Variants in PLCG2 observed in about 807,000 individuals in gnomAD.
The protein encoded by PLCG2 is 1-phosphatidylinositol 4,5-bisphosphate phosphodiesterase gamma-2.
In PLCG2, 69 loss-of-function variants were observed where a neutral mutation model predicts 175.6. The observed-to-expected ratio is 0.39, with a 90% CI of 0.32 to 0.48. The LOEUF is 0.48. PLCG2 is among the 20% of genes least tolerant of loss of function. The pLI is 0.91. For synonymous variants in PLCG2, 827 were observed against 624.0 expected (o/e 1.33, Z -4.85); for missense variants, 1,798 against 1,650.9 (o/e 1.09, Z -1.54).
chr16:81,822,052 C>A (rs577619166), intron 2 of PLCG2, among the ~76,000 whole-genome samples: 2 of 152,262 alleles, frequency 1.3e-5, no homozygotes, highest in African/African-American at 4.8e-5. Context: ...TGCAAAGCAC[C>A]CTTACGCTGC....
intron 2 of PLCG2, among the ~76,000 whole-genome samples, chr16:81,769,686 G>A (rs908868320): frequency 1.3e-5 from 2 of 151,168 alleles, no homozygotes; most frequent in African/African-American, 4.8e-5. Context: ...CGGGCGTAGT[G>A]GCGGGCGCCT....
intron 21 of PLCG2, chr16:81,921,508 A>G: frequency 1.9e-6 from 1 of 530,008 alleles, no homozygotes; most frequent in Non-Finnish European, 3.4e-6. Context: ...CTGAGGTTTG[A>G]CGAACCACCT....
intron 1 of PLCG2, among the ~76,000 whole-genome samples, chr16:81,741,421 AT>A (rs1366519595): frequency 6.6e-6 from 1 of 151,996 alleles, no homozygotes; most frequent in South Asian, 2.1e-4. Flanking sequence ...CAGGAGGAAG[AT>A]TTTTTTTCCG....
At chr16:81,943,912 A>G (rs1287651213) in intron 30 of PLCG2, among the ~76,000 whole-genome samples, 1 of 152,220 alleles carries the variant, frequency 6.6e-6, no homozygotes, top group East Asian at 1.9e-4. Flanking sequence ...TCACTCAAGT[A>G]TAAAATCAAA....
chr16:81,801,793 G>C (rs1352514314), intron 2 of PLCG2, among the ~76,000 whole-genome samples: 3 of 151,800 alleles, frequency 2.0e-5, no homozygotes, highest in African/African-American at 7.3e-5. Flanking sequence ...CGATTCTCTT[G>C]CTTCAGCTTC....
chr16:81,787,842 G>T (rs2079437216), intron 2 of PLCG2, among the ~76,000 whole-genome samples: 1 of 151,986 alleles, frequency 6.6e-6, no homozygotes, highest in Non-Finnish European at 1.5e-5. Context: ...GGGCTTTTGT[G>T]ACTGGCTTCT....
At chr16:81,937,945 C>A (rs4606713) in intron 28 of PLCG2, 42 bp downstream of exon 28, 1 of 1,602,078 alleles carries the variant, frequency 6.2e-7, no homozygotes, top group Non-Finnish European at 8.5e-7. Flanking sequence ...GCCAGCCGCC[C>A]TCCCTGGGGG....
In PLCG2 at chr16:81,948,945, C is replaced by T. The variant is rs115733596; in HGVS notation, c.3570+2682C>T. On this transcript the variant is annotated intron_variant, in intron 31 of 32. Coordinates refer to ENST00000564138, the MANE Select transcript of PLCG2 (RefSeq NM_002661.5). ...ACCTCAGATGATGAGAACTGTAACA[C>T]ATAACTCATAGGATCTTTCAAAGAC... Among the ~76,000 whole-genome samples the T allele has an allele frequency of 7.5e-3, 1,141 of 152,264 alleles. 20 individuals are homozygous for T. Among genetic ancestry groups the T allele is most frequent in the African/African-American group, 0.026 (1,100 of 41,548 alleles).
At position 81,934,878 on chromosome 16, in the gene PLCG2, C is replaced by A. The variant is rs577646651; in HGVS notation, c.2842+347C>A. Among the ~76,000 whole-genome samples, 18 of 152,140 alleles carry A rather than the reference C, an allele frequency of 1.2e-4. 1 individual carries two copies. The highest frequency in any genetic ancestry group is 2.4e-4 in the Non-Finnish European group (16 of 68,026). On this transcript the variant is annotated intron_variant, in intron 26 of 32. Coordinates refer to ENST00000564138, the MANE Select transcript of PLCG2 (RefSeq NM_002661.5). ...GTGAAAGGGGAAACCCTTATAAAAC[C>A]ATCAGATCTCGCGAGACTTATTCAG...
chr16:81,917,542 T>C (rs908265577), intron 19 of PLCG2, among the ~76,000 whole-genome samples: 4 of 152,144 alleles, frequency 2.6e-5, no homozygotes, highest in African/African-American at 9.7e-5. Context: ...TTTCTCCACA[T>C]CCCCACCAGC....
intron 2 of PLCG2, among the ~76,000 whole-genome samples, chr16:81,801,190 G>A (rs899832877): frequency 2.6e-5 from 4 of 152,072 alleles, no homozygotes; most frequent in South Asian, 4.1e-4. Context: ...CCCCAACCCC[G>A]CAACCAACTT....
At chr16:81,933,004 C>T (rs58671817) in intron 25 of PLCG2, among the ~76,000 whole-genome samples, 6,160 of 152,284 alleles carry the variant, frequency 0.04, 436 homozygotes, top group African/African-American at 0.14. Context: ...AAATAGTGCA[C>T]TCCAGCTCTC....
At chr16:81,808,491 A>T (rs1904292211) in intron 2 of PLCG2, among the ~76,000 whole-genome samples, 1 of 151,380 alleles carries the variant, frequency 6.6e-6, no homozygotes, top group Non-Finnish European at 1.5e-5. Context: ...TTTTTATTTT[A>T]TTTTATTTTA....
intron 14 of PLCG2, among the ~76,000 whole-genome samples, chr16:81,902,243 A>T (rs1389519778): frequency 1.3e-5 from 2 of 152,346 alleles, no homozygotes; most frequent in East Asian, 3.9e-4. Flanking sequence ...CCACGAGCTC[A>T]TGGGGAAGGA....
chr16:81,910,338 G>A (rs544010190), intron 17 of PLCG2, among the ~76,000 whole-genome samples, 182 bp from the exon 18 acceptor site: 2 of 152,294 alleles, frequency 1.3e-5, no homozygotes, highest in Non-Finnish European at 2.9e-5. Context: ...TGATCCACCC[G>A]TCTCGGCCTC....
intron 2 of PLCG2, among the ~76,000 whole-genome samples, chr16:81,759,321 C>G (rs991120764): frequency 6.6e-5 from 10 of 151,990 alleles, no homozygotes; most frequent in African/African-American, 2.4e-4. Flanking sequence ...TTTGAAAAAG[C>G]CAAAAATGTA....
intron 22 of PLCG2, 59 bp from the exon 23 acceptor site, chr16:81,927,023 G>C: frequency 9.3e-7 from 1 of 1,076,980 alleles, no homozygotes; most frequent in Non-Finnish European, 1.4e-6. Context: ...CAGATGAGCA[G>C]TAGTGGGTAA....
intron 18 of PLCG2, among the ~76,000 whole-genome samples, 163 bp downstream of exon 18, chr16:81,910,883 G>C (rs563101058): frequency 1.3e-5 from 2 of 152,314 alleles, no homozygotes; most frequent in East Asian, 3.9e-4. Flanking sequence ...CAAATTCCTG[G>C]CACCATGACC....
chr16:81,921,246 C>G lies in PLCG2; in HGVS notation c.2284C>G (p.Pro762Ala). Reference sequence around the variant, plus strand: ...CGACGTCAGCAGAATGTATGTGGATCCCAGTGAAATCAATCCGTCCATGGT... The same window carrying G: ...CGACGTCAGCAGAATGTATGTGGATGCCAGTGAAATCAATCCGTCCATGGT... ...LYDVSRMYVD[P>A]SEINPSMPQR... is the part of the protein sequence containing the mutation. The change falls in exon 21 of 33, where the codon CCC becomes GCC. Residue 762 changes from proline (P) to alanine (A), a missense_variant. Physicochemically the swap from Pro to Ala is conservative, Grantham distance 27. Coordinates refer to ENST00000564138, the MANE Select transcript of PLCG2 (RefSeq NM_002661.5). 1 of 1,609,212 alleles carries G rather than the reference C, an allele frequency of 6.2e-7. No homozygotes were observed. The highest frequency in any genetic ancestry group is 8.5e-7 in the Non-Finnish European group (1 of 1,175,638).
Sources: allele counts gnomAD v4.1 joint callset (sites outside exome capture counted in the v4.1 genomes callset), GRCh38; gene constraint gnomAD v4.1.1; transcripts MANE v1.5; gene names NCBI Gene and HGNC (gene_info 2026-07-23, HGNC 2026-07-21).